Variants in LPGAT1 observed in about 807,000 individuals in gnomAD.
The protein encoded by LPGAT1 is acyl-CoA:lysophosphatidylglycerol acyltransferase 1.
In LPGAT1, 11 loss-of-function variants were observed where a neutral mutation model predicts 47.5. That is an observed-to-expected ratio of 0.23 (90% CI 0.15 to 0.38). The LOEUF is 0.38. Ranked by LOEUF, LPGAT1 falls within the 10% of genes least tolerant of loss-of-function variation. The pLI is 1.00. For synonymous variants in LPGAT1, 138 were observed against 144.2 expected, an observed-to-expected ratio of 0.96 and a Z score of 0.31; for missense variants, 293 against 439.0, an observed-to-expected ratio of 0.67 and a Z score of 2.97.
At position 211,830,474 on chromosome 1, in the gene LPGAT1, G is replaced by T; in HGVS notation, c.-28+99C>A. 8.4e-7 allele frequency: 1 copy of T among 1,184,280 alleles called. No individual in the cohort carries two copies. Among genetic ancestry groups the T allele is most frequent in the Non-Finnish European group, 1.0e-6 (1 of 955,226 alleles). The allele number at this position is 1,184,280 out of a possible 1,614,324, so 73.4% of individuals were successfully genotyped here. ...CCCTCAGGCCGCTGCCGCCTCCCCG[G>T]GCCACGCGACGACGACACCCCCTTC... On this transcript the variant is annotated intron_variant, in intron 1 of 7. Transcript: ENST00000366997. The surrounding 1 kb of genome is among the most constrained non-coding windows in gnomAD (Gnocchi z 5.9).
At chr1:211,824,599 C>G (rs1361073859) in intron 2 of LPGAT1, among the ~76,000 whole-genome samples, 1 of 152,168 alleles carries the variant, frequency 6.6e-6, no homozygotes, top group Admixed American at 6.6e-5. Context: ...TCCCAGTGCT[C>G]TTTCCACTAG....
intron 7 of LPGAT1, among the ~76,000 whole-genome samples, chr1:211,750,612 CTGACAT>C (rs1215161693): frequency 6.6e-6 from 1 of 152,176 alleles, no homozygotes; most frequent in African/African-American, 2.4e-5. Context: ...TTGTATAACA[CTGACAT>C]TATTTTTAAA....
intron 3 of LPGAT1, among the ~76,000 whole-genome samples, chr1:211,788,416 C>T (rs1474761235): frequency 1.3e-5 from 2 of 152,142 alleles, no homozygotes; most frequent in East Asian, 3.8e-4. Flanking sequence ...GGCACAGTGG[C>T]TCACGCCTGT....
chr1:211,744,182 T>C lies in LPGAT1; in HGVS notation c.*5717A>G, dbSNP rs1656854271. ...AATTTCCTGAGTTCAGCAAGTAGAT[T>C]AACTATGAGAAGTTTATTCAACACT... On this transcript the variant is annotated 3_prime_UTR_variant, in exon 8 of 8. Coordinates refer to ENST00000366997, the MANE Select transcript of LPGAT1 (RefSeq NM_014873.3). 6.6e-6 allele frequency: 1 copy of C among 152,174 alleles called. No individual in the cohort carries two copies. Among genetic ancestry groups the C allele is most frequent in the Non-Finnish European group, 1.5e-5 (1 of 68,026 alleles). The allele number at this position is 152,174 out of a possible 1,614,324, so 9.4% of individuals were successfully genotyped here.
chr1:211,777,325 C>G (rs1312106842), intron 6 of LPGAT1, among the ~76,000 whole-genome samples: 4 of 152,088 alleles, frequency 2.6e-5, no homozygotes. Flanking sequence ...ACAGGTACTA[C>G]CTCTCCTCTA....
chr1:211,798,432 C>A (rs559718483), intron 2 of LPGAT1, among the ~76,000 whole-genome samples: 28 of 152,232 alleles, frequency 1.8e-4, no homozygotes, highest in Admixed American at 2.6e-4. Flanking sequence ...TACCTGTAAT[C>A]CCAGCACTCT....
Position 211,802,528 on chromosome 1 carries a change from G to A in LPGAT1, c.239-9338C>T, listed in dbSNP as rs188038654. 2.1e-4 allele frequency among the ~76,000 whole-genome samples: 32 copies of A among 151,966 alleles called. No individual in the cohort carries two copies. In the East Asian group the frequency reaches 4.4e-3, roughly 21 times the overall value. On this transcript the variant is annotated intron_variant, in intron 2 of 7. Transcript: ENST00000366997. ...CATGAGACAAGAATAAGAAAAAAAA[G>A]GACCTGCTGGAAATTAACATAATTG...
At chr1:211,767,917 A>G (rs7418855) in intron 6 of LPGAT1, among the ~76,000 whole-genome samples, 1 of 152,198 alleles carries the variant, frequency 6.6e-6, no homozygotes, top group Non-Finnish European at 1.5e-5. Flanking sequence ...ACCTGAACAT[A>G]TATCATTACT....
chr1:211,749,106 C>T lies in LPGAT1; in HGVS notation c.*793G>A, dbSNP rs1254401258. The T allele has an allele frequency of 1.3e-5, 2 of 152,692 alleles. No individual in the cohort carries two copies. Among genetic ancestry groups the T allele is most frequent in the Non-Finnish European group, 2.9e-5 (2 of 68,068 alleles). The allele number at this position is 152,692 out of a possible 1,614,324, so 9.5% of individuals were successfully genotyped here. A position where few individuals can be genotyped will look rare whatever the true frequency, so the allele number is the denominator to read the frequency against. On this transcript the variant is annotated 3_prime_UTR_variant, in exon 8 of 8. Transcript: ENST00000366997. ...AGACAGTTCTCGAGAACCTCACACA[C>T]TGCTATGCTCCCATTTGTTTTCAGG...
At chr1:211,753,802 C>G (rs1460783477) in intron 6 of LPGAT1, among the ~76,000 whole-genome samples, 1 of 152,108 alleles carries the variant, frequency 6.6e-6, no homozygotes, top group Non-Finnish European at 1.5e-5. Flanking sequence ...ATCTGACATT[C>G]TTTGTTGTTC....
At chr1:211,824,618 C>T (rs1012073721) in intron 2 of LPGAT1, among the ~76,000 whole-genome samples, 1 of 152,160 alleles carries the variant, frequency 6.6e-6, no homozygotes, top group Admixed American at 6.6e-5. Flanking sequence ...AGAACAATGC[C>T]TCTCAAATGT....
chr1:211,787,738 T>G lies in LPGAT1; in HGVS notation c.358-11A>C, dbSNP rs1658943984. ...CATCTGAGCAACAACCTAAAATATT[T>G]AAAAGCAAGAAATAATATTGGATAG... is the stretch of plus-strand genomic sequence containing the variant. On this transcript the variant is annotated splice_polypyrimidine_tract_variant and intron_variant, in intron 3 of 7. Transcript: ENST00000366997. 3.9e-6 allele frequency: 6 copies of G among 1,532,656 alleles called. No homozygotes were observed. Among genetic ancestry groups the G allele is most frequent in the Non-Finnish European group, 5.4e-6 (6 of 1,116,294 alleles). The allele number at this position is 1,532,656 out of a possible 1,614,324, so 94.9% of individuals were successfully genotyped here. A position where few individuals can be genotyped will look rare whatever the true frequency, so the allele number is the denominator to read the frequency against.
intron 2 of LPGAT1, among the ~76,000 whole-genome samples, chr1:211,826,442 C>T (rs1660546438): frequency 6.6e-6 from 1 of 152,194 alleles, no homozygotes; most frequent in African/African-American, 2.4e-5. Flanking sequence ...ACTGTCCATA[C>T]AGTAGCCACT....
In LPGAT1 at chr1:211,829,125, C is replaced by T; in HGVS notation, c.172G>A (p.Glu58Lys). 6.2e-7 allele frequency: 1 copy of T among 1,614,070 alleles called. No individual in the cohort carries two copies. The highest frequency in any genetic ancestry group is 8.5e-7 in the Non-Finnish European group (1 of 1,180,006). ...VLDSKRFWYI[E>K]GIMYKWLLGM... is the part of the protein sequence containing the mutation. ...AAAAGCCATTTATACATGATTCCTT[C>T]GATATACCAGAACCGCTTACTGTCC... The change falls in exon 2 of 8, where the codon GAA becomes AAA. Residue 58 changes from glutamate to lysine, a missense_variant. Coordinates refer to ENST00000366997, the MANE Select transcript of LPGAT1 (RefSeq NM_014873.3).
chr1:211,808,084 G>A (rs945057444), intron 2 of LPGAT1, among the ~76,000 whole-genome samples: 1 of 152,054 alleles, frequency 6.6e-6, no homozygotes, highest in African/African-American at 2.4e-5. Context: ...GAAAACTCAC[G>A]CCTGTAATCC....
At chr1:211,757,208 C>T (rs1180538191) in intron 6 of LPGAT1, among the ~76,000 whole-genome samples, 2 of 150,594 alleles carry the variant, frequency 1.3e-5, no homozygotes, top group East Asian at 2.0e-4. Context: ...GAGCCGAGAT[C>T]GTACCACTGT....
At position 211,746,481 on chromosome 1, in the gene LPGAT1, A is replaced by T. The variant is rs1468790883; in HGVS notation, c.*3418T>A. On this transcript the variant is annotated 3_prime_UTR_variant, in exon 8 of 8. Transcript: ENST00000366997. ...CAAAAAACCCCTAAGAAACAACTTA[A>T]ATCATTTAATTAGTAAGCGTCCCTA... 6.6e-6 allele frequency: 1 copy of T among 152,236 alleles called. No individual in the cohort carries two copies. The highest frequency in any genetic ancestry group is 1.9e-4 in the East Asian group (1 of 5,204). The allele number at this position is 152,236 out of a possible 1,614,324, so 9.4% of individuals were successfully genotyped here.
At chr1:211,790,959 G>A (rs1031094549) in intron 3 of LPGAT1, among the ~76,000 whole-genome samples, 3 of 152,060 alleles carry the variant, frequency 2.0e-5, no homozygotes, top group Non-Finnish European at 2.9e-5. Flanking sequence ...TTAACTAATT[G>A]GAGATTCTCT....
rs1220810515 is a variant in LPGAT1 at position 211,830,763 on chromosome 1, T to A, written c.-218A>T. 1.7e-6 allele frequency: 2 copies of A among 1,144,606 alleles called. No individual in the cohort carries two copies. Among genetic ancestry groups the A allele is most frequent in the African/African-American group, 3.3e-5 (2 of 61,154 alleles). The allele number at this position is 1,144,606 out of a possible 1,614,324, so 70.9% of individuals were successfully genotyped here. On this transcript the variant is annotated 5_prime_UTR_variant, in exon 1 of 8. Coordinates refer to ENST00000366997, the MANE Select transcript of LPGAT1 (RefSeq NM_014873.3). The surrounding 1 kb of genome is among the most constrained non-coding windows in gnomAD (Gnocchi z 5.9). Reference sequence around the variant, plus strand: ...AGGGCCCGGCCGCGTTCGCCCGGACTGGCGGGGAGGGGCGGCGGGAGGAAG... The same window carrying A: ...AGGGCCCGGCCGCGTTCGCCCGGACAGGCGGGGAGGGGCGGCGGGAGGAAG...
Sources: gnomAD v4.1 joint callset for allele counts (sites outside exome capture counted in the v4.1 genomes callset) on GRCh38, gnomAD v4.1.1 for gene constraint, Gnocchi (gnomAD v3.1) non-coding constraint, MANE v1.5 for transcripts, NCBI Gene and HGNC (gene_info 2026-07-23, HGNC 2026-07-21) for gene names.